MARF1: variants seen among roughly 807,000 people sequenced by gnomAD.
The protein encoded by MARF1 is meiosis regulator and mRNA stability factor 1.
MARF1 carries 24 observed loss-of-function variants against 168.2 expected under a neutral mutation model. That is an observed-to-expected ratio of 0.14 (90% CI 0.10 to 0.20). The LOEUF is 0.20. Ranked by LOEUF, MARF1 falls within the 10% of genes least tolerant of loss-of-function variation. The pLI, the probability that MARF1 is intolerant of heterozygous loss-of-function variation, is 1.00. For synonymous variants in MARF1, 868 were observed against 822.4 expected (o/e 1.06, Z -0.95); for missense variants, 1,744 against 2,143.6 (o/e 0.81, Z 3.68).
intron 13 of MARF1, among the ~76,000 whole-genome samples, chr16:15,618,608 C>G (rs2034234627): frequency 6.6e-6 from 1 of 152,110 alleles, no homozygotes; most frequent in Non-Finnish European, 1.5e-5. Context: ...ATCCTGGGTG[C>G]TCGCCCACAT....
At chr16:15,628,661 C>G (rs1463924564) in intron 7 of MARF1, among the ~76,000 whole-genome samples, 1 of 152,088 alleles carries the variant, frequency 6.6e-6, no homozygotes, top group African/African-American at 2.4e-5. Flanking sequence ...GGTGATCTGC[C>G]CACCTCAGCT....
In MARF1 at chr16:15,594,955, T is replaced by C. The variant is rs1368551652; in HGVS notation, c.*1738A>G. On this transcript the variant is annotated 3_prime_UTR_variant, in exon 27 of 27. Transcript: ENST00000396368. Reference sequence around the variant, plus strand: ...CTCTTACGGTTTTAAAGTCCACCACTCTTTACATGCTAGCAGAACTGAAGT... The same window carrying C: ...CTCTTACGGTTTTAAAGTCCACCACCCTTTACATGCTAGCAGAACTGAAGT... 1.3e-5 allele frequency: 2 copies of C among 152,656 alleles called. No individual in the cohort carries two copies. The highest frequency in any genetic ancestry group is 6.5e-5 in the Admixed American group (1 of 15,288). 9.5% of individuals were successfully genotyped at this position (152,656 alleles called of 1,614,324 possible).
At chr16:15,632,447 A>G (rs1056325028) in intron 5 of MARF1, among the ~76,000 whole-genome samples, 6 of 152,178 alleles carry the variant, frequency 3.9e-5, no homozygotes, top group African/African-American at 1.4e-4. Flanking sequence ...AGCAGAAAAG[A>G]GAGATAAGGA....
chr16:15,620,414 G>T, intron 13 of MARF1, 37 bp downstream of exon 13: 5 of 1,354,536 alleles, frequency 3.7e-6, no homozygotes, highest in Non-Finnish European at 5.3e-6. Context: ...CCACCAATCA[G>T]TACTGACTGG....
intron 20 of MARF1, 24 bp downstream of exon 20, chr16:15,609,498 AT>A: frequency 6.3e-7 from 1 of 1,582,728 alleles, no homozygotes; most frequent in Admixed American, 1.7e-5. Context: ...AAAATACTTT[AT>A]AAAATTAGAA....
intron 8 of MARF1, 42 bp from the exon 9 acceptor site, chr16:15,625,215 C>T: frequency 2.5e-6 from 4 of 1,602,992 alleles, no homozygotes; most frequent in Non-Finnish European, 3.4e-6. Flanking sequence ...TTTTAAGTAC[C>T]CAAGATGTGT....
chr16:15,642,718 T>A, intron 1 of MARF1, among the ~76,000 whole-genome samples: 2 of 152,128 alleles, frequency 1.3e-5, no homozygotes, highest in East Asian at 3.9e-4. Flanking sequence ...ACCTTCCAGC[T>A]GTGCACTTCA....
intron 19 of MARF1, chr16:15,610,494 ATACTG>A (rs1382661529): frequency 6.5e-6 from 1 of 153,440 alleles, no homozygotes; most frequent in Non-Finnish European, 1.5e-5. Flanking sequence ...CATCCCTCAA[ATACTG>A]TACTTTCTAC....
Position 15,602,165 on chromosome 16 carries a change from G to A in MARF1, c.4452C>T (p.Leu1484=), listed in dbSNP as rs373330931. The stretch of plus-strand genomic sequence containing the variant: ...TCTTTGCAAACAAATACAGACTTGT[G>A]AGCTTCACACATTCTTCCATCTTAT... ...TNDKMEECVK[L]TSLYLFAKNV... Residue 1484 remains leucine, a synonymous_variant, in exon 23 of 27, where the codon CTC becomes CTT. Coordinates refer to ENST00000396368, the MANE Select transcript of MARF1 (RefSeq NM_014647.4). 6.8e-6 allele frequency: 11 copies of A among 1,614,044 alleles called. No homozygotes were observed. Among genetic ancestry groups the A allele is most frequent in the Non-Finnish European group, 8.5e-6 (10 of 1,180,010 alleles).
At chr16:15,602,571 T>C (rs1230172646) in intron 22 of MARF1, 2 of 391,958 alleles carry the variant, frequency 5.1e-6, no homozygotes, top group East Asian at 1.6e-4. Flanking sequence ...AAGACAAAGA[T>C]GAAGAAGATG....
chr16:15,618,440 A>AC (rs1480112851), intron 13 of MARF1, among the ~76,000 whole-genome samples: 2 of 151,886 alleles, frequency 1.3e-5, no homozygotes, highest in East Asian at 1.9e-4. Flanking sequence ...CTGCTGTGTT[A>AC]CCCCCGAGTC....
chr16:15,625,579 A>C lies in MARF1; in HGVS notation c.1746T>G (p.Phe582Leu). 1 of 1,614,176 alleles carries C rather than the reference A, an allele frequency of 6.2e-7. No individual in the cohort carries two copies. Among genetic ancestry groups the C allele is most frequent in the South Asian group, 1.1e-5 (1 of 91,090 alleles). ...DVFGNRIIVS[F>L]TPKNRELCET... ...CACAGAGTTCTCTATTTTTTGGAGT[A>C]AATGACACAATGATCCTATTACCAA... is the stretch of plus-strand genomic sequence containing the variant. Residue 582 changes from phenylalanine to leucine, a missense_variant, in exon 8 of 27, where the codon TTT becomes TTG. Around this residue, in one of 7 missense-constraint regions of MARF1, gnomAD observed 270 missense variants for 260.6 expected, o/e 1.04. Coordinates refer to ENST00000396368, the MANE Select transcript of MARF1 (RefSeq NM_014647.4).
intron 15 of MARF1, 107 bp from the exon 16 acceptor site, chr16:15,616,112 T>C (rs1382602367): frequency 1.1e-6 from 1 of 907,664 alleles, no homozygotes; most frequent in African/African-American, 1.7e-5. Context: ...GTTAATCATT[T>C]GTCTGAATGC....
chr16:15,617,500 T>C lies in MARF1; in HGVS notation c.2756A>G (p.Lys919Arg), dbSNP rs2034150557. 6.2e-7 allele frequency: 1 copy of C among 1,613,526 alleles called. No individual in the cohort carries two copies. The highest frequency in any genetic ancestry group is 8.5e-7 in the Non-Finnish European group (1 of 1,180,020). Reference protein sequence around the residue: ...GHKLNVSDLYKLTDTVAIREQ... With the variant: ...GHKLNVSDLYRLTDTVAIREQ... Reference sequence around the variant, plus strand: ...ACGGATTGCGACCGTGTCTGTTAATTTATATAGATCTGACACATTCAACTT... The same window carrying C: ...ACGGATTGCGACCGTGTCTGTTAATCTATATAGATCTGACACATTCAACTT... Residue 919 changes from lysine to arginine, a missense_variant, in exon 14 of 27, where the codon AAA becomes AGA. Physicochemically the swap from Lys to Arg is conservative, Grantham distance 26. This residue lies in a region of MARF1 where 543 missense variants were observed against 742.1 expected (regional missense o/e 0.73). Coordinates refer to ENST00000396368, the MANE Select transcript of MARF1 (RefSeq NM_014647.4).
At position 15,600,507 on chromosome 16, in the gene MARF1, C is replaced by G; in HGVS notation, c.4734G>C (p.Gln1578His). The G allele has an allele frequency of 6.2e-7, 1 of 1,614,188 alleles. No individual in the cohort carries two copies. Among genetic ancestry groups the G allele is most frequent in the Non-Finnish European group, 8.5e-7 (1 of 1,180,044 alleles). ...CCAGGATGCGCTCGCCCTCCGAGGG[C>G]TGGTTTTCATGATTGGCAGGGGAGA... ...LSLSPANHENQPSEGERILEV... is the reference protein window; with the variant it reads ...LSLSPANHENHPSEGERILEV... Residue 1578 changes from glutamine to histidine, a missense_variant, in exon 25 of 27, where the codon CAG (glutamine) becomes CAC (histidine). Gln to His is a conservative substitution (Grantham distance 24, BLOSUM62 0). Transcript: ENST00000396368.
chr16:15,601,511 C>T (rs994949308), intron 23 of MARF1: 6 of 230,606 alleles, frequency 2.6e-5, no homozygotes, highest in Middle Eastern at 1.8e-3. Flanking sequence ...CTTAGCCTCT[C>T]GACACTCCAT....
chr16:15,640,292 A>G (rs12447593), intron 1 of MARF1, among the ~76,000 whole-genome samples: 67,885 of 152,062 alleles, frequency 0.45, 15,483 homozygotes, highest in Middle Eastern at 0.52. Context: ...CCAATTTCTT[A>G]GTTTACTAAT....
At chr16:15,597,300 C>G (rs951911382) in intron 26 of MARF1, among the ~76,000 whole-genome samples, 4 of 152,346 alleles carry the variant, frequency 2.6e-5, no homozygotes, top group Admixed American at 2.6e-4. Flanking sequence ...TAGAGACTTC[C>G]TGAGGCGGGA....
chr16:15,627,495 G>C (rs147532025), intron 7 of MARF1, among the ~76,000 whole-genome samples: 1 of 152,194 alleles, frequency 6.6e-6, no homozygotes, highest in Non-Finnish European at 1.5e-5. Context: ...GCGGGCGCCT[G>C]TAATCCCAGC....
Sources: gnomAD v4.1 joint callset for allele counts (sites outside exome capture counted in the v4.1 genomes callset) on GRCh38, gnomAD v4.1.1 for gene constraint, gnomAD v4.1.1 regional missense constraint, MANE v1.5 for transcripts, NCBI Gene and HGNC (gene_info 2026-07-23, HGNC 2026-07-21) for gene names.